Variants in BTBD1 observed in about 807,000 individuals in gnomAD.
The protein encoded by BTBD1 is BTB domain containing 1, also known as BTB/POZ domain-containing protein 1.
BTBD1 carries 34 observed loss-of-function variants against 48.0 expected under a neutral mutation model. The ratio of observed to expected loss-of-function variants is 0.71; its 90% CI spans 0.54 to 0.94. The LOEUF is 0.94. Ranked by LOEUF, BTBD1 falls within the 40% of genes least tolerant of loss-of-function variation. BTBD1 has a pLI of 0.00. For synonymous variants in BTBD1, 261 were observed against 242.1 expected, an observed-to-expected ratio of 1.08 and a Z score of -0.72; for missense variants, 543 against 625.6, an observed-to-expected ratio of 0.87 and a Z score of 1.41.
intron 1 of BTBD1, 137 bp from the exon 2 acceptor site, chr15:83,056,682 CCCACCCAGCCAT>C: frequency 1.7e-6 from 1 of 596,554 alleles, no homozygotes; most frequent in Non-Finnish European, 2.8e-6. Context: ...CACCCACCCA[CCCACCCAGCCAT>C]CCATTCATCT....
At chr15:83,034,878 A>C (rs1378607548) in intron 4 of BTBD1, among the ~76,000 whole-genome samples, 1 of 152,238 alleles carries the variant, frequency 6.6e-6, no homozygotes, top group Non-Finnish European at 1.5e-5. Context: ...GAAGATCATT[A>C]GTATATATTC....
At chr15:83,048,869 T>A (rs2032928278) in intron 3 of BTBD1, among the ~76,000 whole-genome samples, 1 of 152,168 alleles carries the variant, frequency 6.6e-6, no homozygotes, top group South Asian at 2.1e-4. Flanking sequence ...AGAAAGAGAA[T>A]CATTTACCCA....
intron 3 of BTBD1, chr15:83,044,259 T>C: frequency 4.7e-6 from 3 of 639,494 alleles, no homozygotes; most frequent in Non-Finnish European, 8.2e-6. Flanking sequence ...GCAGGTAAAA[T>C]AAAACATTTT....
At chr15:83,036,007 T>A (rs1383404059) in intron 4 of BTBD1, among the ~76,000 whole-genome samples, 2 of 151,018 alleles carry the variant, frequency 1.3e-5, no homozygotes, top group Non-Finnish European at 2.9e-5. Flanking sequence ...CAACCAAGTC[T>A]GATTTACGTA....
intron 1 of BTBD1, among the ~76,000 whole-genome samples, chr15:83,059,221 T>C (rs1316484496): frequency 6.6e-6 from 1 of 152,168 alleles, no homozygotes; most frequent in South Asian, 2.1e-4. Context: ...TCCACCCAGG[T>C]TTCTCTTTTT....
chr15:83,021,255 GAATA>G (rs773860116), intron 5 of BTBD1, among the ~76,000 whole-genome samples: 33 of 152,294 alleles, frequency 2.2e-4, no homozygotes, highest in Non-Finnish European at 3.5e-4. Context: ...TGCAAGAAAG[GAATA>G]AATAAATAAT....
chr15:83,063,255 T>C (rs757121211), intron 1 of BTBD1, among the ~76,000 whole-genome samples: 5 of 152,236 alleles, frequency 3.3e-5, no homozygotes, highest in Non-Finnish European at 5.9e-5. Flanking sequence ...ACAGTCTACA[T>C]GCCTTCCTAG....
chr15:83,058,214 CT>C (rs2033119963), intron 1 of BTBD1, among the ~76,000 whole-genome samples: 1 of 152,244 alleles, frequency 6.6e-6, no homozygotes, highest in African/African-American at 2.4e-5. Context: ...TCCAGCTCCG[CT>C]GCGGCTTTGA....
At chr15:83,064,002 G>A (rs1292886869) in intron 1 of BTBD1, among the ~76,000 whole-genome samples, 1 of 152,102 alleles carries the variant, frequency 6.6e-6, no homozygotes. Flanking sequence ...ACAGCCATTC[G>A]CTGTTTCACA....
At position 83,066,868 on chromosome 15, in the gene BTBD1, A is replaced by C; in HGVS notation, c.284T>G (p.Phe95Cys). ...GACGGCGCTGCCGGCCGCCAGCACG[A>C]AGCGGTGGGCGGGGATGCGCTGCGG... ...GGPQRIPAHR[F>C]VLAAGSAVFD... Residue 95 changes from phenylalanine (F) to cysteine (C), a missense_variant, in exon 1 of 8, where the codon TTC becomes TGC. Coordinates refer to ENST00000261721, the MANE Select transcript of BTBD1 (RefSeq NM_025238.4). 6.8e-7 allele frequency: 1 copy of C among 1,473,444 alleles called. No homozygotes were observed. The highest frequency in any genetic ancestry group is 9.0e-7 in the Non-Finnish European group (1 of 1,115,608). The allele number at this position is 1,473,444 out of a possible 1,614,324, so 91.3% of individuals were successfully genotyped here.
intron 5 of BTBD1, among the ~76,000 whole-genome samples, chr15:83,027,943 T>C (rs1222139943): frequency 6.6e-6 from 1 of 152,226 alleles, no homozygotes; most frequent in African/African-American, 2.4e-5. Context: ...GAACTACATA[T>C]TTTACTATCA....
chr15:83,032,977 A>AAAAAAAAAAAAAAAAAAC (rs752456266), intron 4 of BTBD1, among the ~76,000 whole-genome samples: 3 of 149,426 alleles, frequency 2.0e-5, no homozygotes, highest in African/African-American at 7.3e-5. Flanking sequence ...CTCAAAAAAA[A>AAAAAAAAAAAAAAAAAAC]AAAAAAAAAA....
intron 3 of BTBD1, among the ~76,000 whole-genome samples, 194 bp from the exon 4 acceptor site, chr15:83,042,119 GT>G (rs1308230085): frequency 6.6e-6 from 1 of 151,652 alleles, no homozygotes; most frequent in Admixed American, 6.6e-5. Context: ...ATAAAAATCA[GT>G]TTAACAATCA....
intron 4 of BTBD1, among the ~76,000 whole-genome samples, chr15:83,031,468 G>A (rs982246368): frequency 6.6e-6 from 1 of 152,180 alleles, no homozygotes; most frequent in Non-Finnish European, 1.5e-5. Flanking sequence ...ATGAGTTCGT[G>A]TCCTTTATAG....
chr15:83,051,030 CA>C (rs11423630), intron 2 of BTBD1, among the ~76,000 whole-genome samples: 216 of 124,058 alleles, frequency 1.7e-3, no homozygotes, highest in South Asian at 3.4e-3. Flanking sequence ...CCCTCCCCCA[CA>C]AAAAAAAAAA....
rs146810953 is a variant in BTBD1, at chr15:83,016,834, A to G, written c.*1233T>C. On this transcript the variant is annotated 3_prime_UTR_variant, in exon 8 of 8. Coordinates refer to ENST00000261721, the MANE Select transcript of BTBD1 (RefSeq NM_025238.4). Reference sequence around the variant, plus strand: ...AAAGTGAAATATTACTTTAGATGAAAATTTTTTGTATCTTACTTAGAAAAA... The same window carrying G: ...AAAGTGAAATATTACTTTAGATGAAGATTTTTTGTATCTTACTTAGAAAAA... 3.9e-5 allele frequency: 6 copies of G among 152,334 alleles called. No individual in the cohort carries two copies. The East Asian group carries it at 1.2e-3, about 29-fold the overall frequency. The allele number at this position is 152,334 out of a possible 1,614,324, so 9.4% of individuals were successfully genotyped here.
chr15:83,030,110 C>T (rs764721070), intron 5 of BTBD1, 26 bp downstream of exon 5: 5 of 1,607,948 alleles, frequency 3.1e-6, no homozygotes, highest in Middle Eastern at 1.7e-4. Flanking sequence ...CCCACTCTAC[C>T]CCCGCATCCC....
intron 4 of BTBD1, among the ~76,000 whole-genome samples, chr15:83,040,699 C>CAAAAA (rs71156070): frequency 1.7e-5 from 1 of 57,222 alleles, no homozygotes; most frequent in African/African-American, 6.6e-5. Context: ...GACCCTGTCT[C>CAAAAA]AAAAAAAAAA....
chr15:83,051,149 T>C (rs1246425355), intron 2 of BTBD1, among the ~76,000 whole-genome samples: 2 of 152,126 alleles, frequency 1.3e-5, no homozygotes, highest in African/African-American at 4.8e-5. Flanking sequence ...TGACCAACCT[T>C]TCATTCTGGC....
Sources: gnomAD v4.1 joint callset for allele counts (sites outside exome capture counted in the v4.1 genomes callset) on GRCh38, gnomAD v4.1.1 for gene constraint, MANE v1.5 for transcripts, NCBI Gene and HGNC (gene_info 2026-07-23, HGNC 2026-07-21) for gene names.